IL1RAPL1: variants seen among roughly 807,000 people sequenced by gnomAD.
IL1RAPL1 encodes the protein interleukin 1 receptor accessory protein like 1, also known as interleukin-1 receptor accessory protein-like 1.
In IL1RAPL1, 3 loss-of-function variants were observed where a neutral mutation model predicts 48.4. The ratio of observed to expected loss-of-function variants is 0.06; its 90% CI spans 0.03 to 0.16. IL1RAPL1 has a LOEUF of 0.16. Ranked by LOEUF, IL1RAPL1 falls within the 10% of genes least tolerant of loss-of-function variation. The pLI is 1.00. For synonymous variants in IL1RAPL1, 185 were observed against 187.7 expected, an observed-to-expected ratio of 0.99 and a Z score of 0.12; for missense variants, 349 against 530.6, an observed-to-expected ratio of 0.66 and a Z score of 3.36.
intron 2 of IL1RAPL1, among the ~76,000 whole-genome samples, chrX:28,910,344 A>G (rs1451501474): frequency 9.0e-6 from 1 of 111,323 alleles, no homozygotes; most frequent in Non-Finnish European, 1.9e-5. Flanking sequence ...TGATGTTAGT[A>G]ATATGTGAAA....
chrX:29,131,986 G>T (rs1929032404), intron 2 of IL1RAPL1, among the ~76,000 whole-genome samples: 1 of 111,458 alleles, frequency 9.0e-6, no homozygotes, highest in Non-Finnish European at 1.9e-5. Flanking sequence ...AAAATGGAAT[G>T]CTTTCTGTAA....
intron 6 of IL1RAPL1, among the ~76,000 whole-genome samples, chrX:29,757,648 T>C (rs1928652342): frequency 8.9e-6 from 1 of 112,273 alleles, no homozygotes; most frequent in Admixed American, 9.5e-5. Flanking sequence ...GTCCTTCAAC[T>C]GTTTAAAATA....
chrX:28,858,239 C>T (rs1465878998), intron 2 of IL1RAPL1, among the ~76,000 whole-genome samples: 4 of 112,061 alleles, frequency 3.6e-5, no homozygotes, highest in Admixed American at 9.5e-5. Context: ...CTGGTGAGGA[C>T]GCCATGAACA....
chrX:29,386,294 C>G (rs1933777013), intron 3 of IL1RAPL1, among the ~76,000 whole-genome samples: 1 of 111,311 alleles, frequency 9.0e-6, no homozygotes, highest in Admixed American at 9.6e-5. Context: ...TCCCAAAGTG[C>G]TGGGATTACA....
At chrX:29,129,039 C>CT (rs62772160) in intron 2 of IL1RAPL1, among the ~76,000 whole-genome samples, 7,553 of 62,326 alleles carry the variant, frequency 0.12, 922 homozygotes, top group African/African-American at 0.31. Flanking sequence ...TACCTAGAAT[C>CT]TTTTTTTTTT....
rs1001021759 is a variant in IL1RAPL1 at position 29,879,266 on chromosome X, T to A, written c.779-38198T>A. ...CCTGGGATTAGGAGTAGGGAGAGAA[T>A]GCCACTTCAAAGGAATAATAGGATT... On this transcript the variant is annotated intron_variant, in intron 6 of 10. Coordinates refer to ENST00000378993, the MANE Select transcript of IL1RAPL1 (RefSeq NM_014271.4). Among the ~76,000 whole-genome samples the A allele has an allele frequency of 1.3e-4, 14 of 109,002 alleles. No individual in the cohort carries two copies. The Admixed American group carries it at 1.3e-3, about 10-fold the overall frequency. The allele number at this position is 109,002 out of a possible 115,157, so 94.7% of individuals were successfully genotyped here. A position where few individuals can be genotyped will look rare whatever the true frequency, so the allele number is the denominator to read the frequency against.
chrX:28,796,333 A>T (rs1051344708), intron 2 of IL1RAPL1, among the ~76,000 whole-genome samples: 2 of 111,679 alleles, frequency 1.8e-5, no homozygotes, highest in Non-Finnish European at 3.8e-5. Flanking sequence ...GTCTTCACTC[A>T]TTTCAGCATT....
intron 2 of IL1RAPL1, among the ~76,000 whole-genome samples, chrX:29,012,603 T>TTTGCACA (rs1429074578): frequency 9.0e-6 from 1 of 111,623 alleles, no homozygotes; most frequent in Non-Finnish European, 1.9e-5. Context: ...TTATTGATGT[T>TTTGCACA]TTGCACAACA....
At chrX:28,594,390 T>A (rs1050333645) in intron 1 of IL1RAPL1, among the ~76,000 whole-genome samples, 1 of 112,285 alleles carries the variant, frequency 8.9e-6, no homozygotes, top group Non-Finnish European at 1.9e-5. Context: ...ATTGCTTTTT[T>A]AAAAAATAAA....
chrX:28,805,393 G>A (rs1025797149), intron 2 of IL1RAPL1, among the ~76,000 whole-genome samples: 3 of 111,155 alleles, frequency 2.7e-5, no homozygotes, highest in African/African-American at 9.8e-5. Context: ...ATCTTTTGCA[G>A]TGTGGATTCC....
intron 6 of IL1RAPL1, among the ~76,000 whole-genome samples, chrX:29,788,876 G>A (rs1172005788): frequency 9.0e-6 from 1 of 111,394 alleles, no homozygotes; most frequent in Non-Finnish European, 1.9e-5. Flanking sequence ...TTAAAGTTTG[G>A]ATCACTAAAT....
intron 1 of IL1RAPL1, among the ~76,000 whole-genome samples, chrX:28,656,152 T>A (rs1474196600): frequency 8.9e-6 from 1 of 111,867 alleles, no homozygotes; most frequent in Admixed American, 9.5e-5. Flanking sequence ...GCTTCTAATG[T>A]CAAGTGTTTT....
chrX:29,941,816 T>C (rs1978288624), intron 9 of IL1RAPL1, 22 bp downstream of exon 9: 1 of 1,194,255 alleles, frequency 8.4e-7, no homozygotes, highest in South Asian at 1.8e-5. Context: ...CCTCTTTTAT[T>C]GTTCTTTCTG....
chrX:29,160,379 T>G (rs771199948), intron 2 of IL1RAPL1, among the ~76,000 whole-genome samples: 2 of 111,611 alleles, frequency 1.8e-5, no homozygotes, highest in South Asian at 7.4e-4. Flanking sequence ...GATAGATGGG[T>G]TTTATTTTTA....
At chrX:29,259,416 G>A (rs1931813129) in intron 2 of IL1RAPL1, among the ~76,000 whole-genome samples, 1 of 109,944 alleles carries the variant, frequency 9.1e-6, no homozygotes, top group African/African-American at 3.3e-5. Context: ...TAAATAAATG[G>A]GATATTTATT....
chrX:28,981,796 C>T (rs1182155564), intron 2 of IL1RAPL1, among the ~76,000 whole-genome samples: 1 of 111,355 alleles, frequency 9.0e-6, no homozygotes, highest in Non-Finnish European at 1.9e-5. Flanking sequence ...TGCACTTTCT[C>T]GTTTTTGTAC....
chrX:28,870,062 TA>T (rs1180303356), intron 2 of IL1RAPL1, among the ~76,000 whole-genome samples: 2 of 111,949 alleles, frequency 1.8e-5, no homozygotes, highest in African/African-American at 6.5e-5. Flanking sequence ...TGCTGAATAA[TA>T]TTCCATATTG....
chrX:28,595,798 G>A (rs918778860), intron 1 of IL1RAPL1, among the ~76,000 whole-genome samples: 5 of 111,744 alleles, frequency 4.5e-5, no homozygotes, highest in African/African-American at 1.6e-4. Flanking sequence ...CTCAGTGTTT[G>A]GTTTTTGGAT....
chrX:29,924,774 A>C (rs1027951908), intron 8 of IL1RAPL1, among the ~76,000 whole-genome samples: 5 of 111,894 alleles, frequency 4.5e-5, no homozygotes, highest in African/African-American at 1.6e-4. Context: ...AATAATGATA[A>C]ACATCTAGGT....
Sources: gnomAD v4.1 joint callset for allele counts (sites outside exome capture counted in the v4.1 genomes callset) on GRCh38, gnomAD v4.1.1 for gene constraint, MANE v1.5 for transcripts, NCBI Gene and HGNC (gene_info 2026-07-23, HGNC 2026-07-21) for gene names.